Variants in PSTPIP2 observed in about 807,000 individuals in gnomAD.
The protein encoded by PSTPIP2 is proline-serine-threonine phosphatase interacting protein 2.
In PSTPIP2, 33 loss-of-function variants were observed where a neutral mutation model predicts 63.3. The observed-to-expected ratio is 0.52, with a 90% CI of 0.40 to 0.70. The LOEUF (loss-of-function observed/expected upper bound fraction) is 0.70, where lower values mean the gene tolerates loss of function less well. Among genes scored for constraint, PSTPIP2 ranks in the 30% least tolerant of loss-of-function variants. The pLI is 0.00. For synonymous variants in PSTPIP2, 125 were observed against 132.7 expected (o/e 0.94, Z 0.40); for missense variants, 312 against 400.7 (o/e 0.78, Z 1.89).
intron 1 of PSTPIP2, among the ~76,000 whole-genome samples, chr18:46,044,438 G>A (rs1436497799): frequency 6.6e-6 from 1 of 152,154 alleles, no homozygotes; most frequent in East Asian, 1.9e-4. Flanking sequence ...ATGGTGCTGG[G>A]AAAACTGGCT....
chr18:45,988,711 T>C lies in PSTPIP2; in HGVS notation c.1004A>G (p.Ter335=). 1 of 1,551,126 alleles carries C rather than the reference T, an allele frequency of 6.4e-7. No individual in the cohort carries two copies. Among genetic ancestry groups the C allele is most frequent in the Non-Finnish European group, 8.9e-7 (1 of 1,123,030 alleles). ...LVDDYSLLYQ[*] is the part of the protein sequence containing the mutation. ...AAATAAAGGTTCTTACCATTGATTT[T>C]ACTGATAGAGCAAACTGTAGTCATC... The change falls in exon 14 of 15, where the codon TAA becomes TGA. Residue 335 remains the stop codon, a stop_retained_variant. Transcript: ENST00000409746.
At chr18:46,024,355 C>A (rs1435753761) in intron 3 of PSTPIP2, among the ~76,000 whole-genome samples, 1 of 152,076 alleles carries the variant, frequency 6.6e-6, no homozygotes, top group Admixed American at 6.5e-5. Context: ...CTAGGCTGGT[C>A]TTGAACTCCT....
intron 5 of PSTPIP2, among the ~76,000 whole-genome samples, chr18:46,006,942 C>A (rs2051735319): frequency 6.6e-6 from 1 of 152,128 alleles, no homozygotes; most frequent in Non-Finnish European, 1.5e-5. Flanking sequence ...ACACAGTCAG[C>A]AAGTAATAGA....
Position 46,011,278 on chromosome 18 carries a change from T to C in PSTPIP2, c.257A>G (p.Asn86Ser), listed in dbSNP as rs140429538. 4.8e-5 allele frequency: 78 copies of C among 1,613,184 alleles called. No homozygotes were observed. In the African/African-American group the frequency reaches 7.9e-4, roughly 16 times the overall value. Residue 86 changes from asparagine to serine, a missense_variant, in exon 5 of 15, where the codon AAT becomes AGT. Transcript: ENST00000409746. The stretch of plus-strand genomic sequence containing the variant: ...AAGCTGAATGTGACATTGTGCCACA[T>C]TGTCTACTTCTGCAAAAAAGAATTA... ...ALEVFKQQVDNVAQCHIQLAQ... is the reference protein window; with the variant it reads ...ALEVFKQQVDSVAQCHIQLAQ...
intron 6 of PSTPIP2, 53 bp downstream of exon 6, chr18:46,005,416 G>A: frequency 1.4e-6 from 2 of 1,411,474 alleles, no homozygotes; most frequent in Non-Finnish European, 2.0e-6. Flanking sequence ...CACAGCACAG[G>A]ATTTCAGAAA....
At chr18:46,019,027 T>C (rs1170995952) in intron 3 of PSTPIP2, among the ~76,000 whole-genome samples, 1 of 152,096 alleles carries the variant, frequency 6.6e-6, no homozygotes, top group African/African-American at 2.4e-5. Flanking sequence ...AACTCCCCTT[T>C]GCCCATTATT....
At chr18:46,009,818 C>T (rs969336930) in intron 5 of PSTPIP2, among the ~76,000 whole-genome samples, 2 of 152,108 alleles carry the variant, frequency 1.3e-5, no homozygotes, top group African/African-American at 4.8e-5. Context: ...ATTGTAATTC[C>T]CCTAGAGGGG....
intron 2 of PSTPIP2, chr18:46,029,393 A>G: frequency 1.3e-6 from 2 of 1,518,570 alleles, no homozygotes; most frequent in South Asian, 2.2e-5. Flanking sequence ...ATAGTAAGAA[A>G]GTATATGCCT....
intron 10 of PSTPIP2, among the ~76,000 whole-genome samples, chr18:45,993,255 C>T (rs2051558338): frequency 6.6e-6 from 1 of 151,926 alleles, no homozygotes; most frequent in Non-Finnish European, 1.5e-5. Context: ...CCACCATGCC[C>T]AGCTAATTTT....
intron 5 of PSTPIP2, among the ~76,000 whole-genome samples, chr18:46,009,740 C>T (rs911471346): frequency 2.0e-5 from 3 of 152,172 alleles, no homozygotes; most frequent in Non-Finnish European, 2.9e-5. Flanking sequence ...AAATGATTCT[C>T]CTCTCCTCTG....
chr18:46,070,815 T>C (rs150622665), intron 1 of PSTPIP2, among the ~76,000 whole-genome samples: 1 of 152,314 alleles, frequency 6.6e-6, no homozygotes, highest in Non-Finnish European at 1.5e-5. Context: ...CCACTGTGCC[T>C]GAACTAAATA....
chr18:46,023,655 GAT>G (rs1208723488), intron 3 of PSTPIP2, among the ~76,000 whole-genome samples: 2 of 151,820 alleles, frequency 1.3e-5, no homozygotes, highest in African/African-American at 4.8e-5. Context: ...TACAATTTTA[GAT>G]ATATAATTTT....
intron 7 of PSTPIP2, 132 bp downstream of exon 7, chr18:45,999,304 A>AC (rs2051638726): frequency 6.2e-6 from 5 of 809,408 alleles, no homozygotes; most frequent in Non-Finnish European, 9.9e-6. Flanking sequence ...GGTTCAGAAG[A>AC]CCCCCAATAC....
At chr18:46,009,711 G>T (rs1428437867) in intron 5 of PSTPIP2, among the ~76,000 whole-genome samples, 1 of 152,174 alleles carries the variant, frequency 6.6e-6, no homozygotes, top group Non-Finnish European at 1.5e-5. Context: ...ACCAAGGAGG[G>T]CACTTAAAAC....
intron 2 of PSTPIP2, among the ~76,000 whole-genome samples, chr18:46,027,357 A>T (rs982356372): frequency 6.7e-6 from 1 of 149,658 alleles, no homozygotes; most frequent in African/African-American, 2.5e-5. Context: ...TATTAAAAAA[A>T]TTTTTTTTAA....
At chr18:45,993,465 T>C (rs1375691762) in intron 10 of PSTPIP2, 140 bp downstream of exon 10, 34 of 688,092 alleles carry the variant, frequency 4.9e-5, no homozygotes. Flanking sequence ...TCTGCATCCT[T>C]CTGTCAACTC....
rs59638072 is a variant in PSTPIP2, at chr18:46,049,008, A to ATGTGTG, written c.34-8967_34-8962dup. Among the ~76,000 whole-genome samples, 557 of 136,354 alleles carry ATGTGTG rather than the reference A, an allele frequency of 4.1e-3. 4 individuals are homozygous for ATGTGTG. Among genetic ancestry groups the ATGTGTG allele is most frequent in the African/African-American group, 6.1e-3 (227 of 37,032 alleles). 89.5% of individuals were successfully genotyped at this position (136,354 alleles called of 152,430 possible). A position where few individuals can be genotyped will look rare whatever the true frequency, so the allele number is the denominator to read the frequency against. ...CTTTCAAATGGTTCAGAAAAAAAGCATGTGTGTGTGTGTGTGTGTGTGTGT... is the reference window on the plus strand; with the variant it reads ...CTTTCAAATGGTTCAGAAAAAAAGCATGTGTGTGTGTGTGTGTGTGTGTGTGTGTGT... On this transcript the variant is annotated intron_variant, in intron 1 of 14. Transcript: ENST00000409746.
intron 5 of PSTPIP2, among the ~76,000 whole-genome samples, chr18:46,006,886 C>T (rs896573537): frequency 6.6e-6 from 1 of 152,224 alleles, no homozygotes; most frequent in African/African-American, 2.4e-5. Context: ...AGTACTATCA[C>T]TCCCATTTTC....
At chr18:45,998,937 G>C in intron 7 of PSTPIP2, 98 bp from the exon 8 acceptor site, 1 of 1,331,722 alleles carries the variant, frequency 7.5e-7, no homozygotes, top group Non-Finnish European at 1.1e-6. Flanking sequence ...TAACTATGAA[G>C]AGACCAGGTC....
Sources: gnomAD v4.1 joint callset for allele counts (sites outside exome capture counted in the v4.1 genomes callset) on GRCh38, gnomAD v4.1.1 for gene constraint, MANE v1.5 for transcripts, NCBI Gene and HGNC (gene_info 2026-07-23, HGNC 2026-07-21) for gene names.